The following BMP2K variants were observed in gnomAD, a reference collection of about 807,000 sequenced individuals.
The protein encoded by BMP2K is BMP2 inducible kinase.
Under a neutral mutation model 116.0 loss-of-function variants are expected in BMP2K, and 74 were observed. The observed-to-expected ratio is 0.64, with a 90% CI of 0.53 to 0.77. The LOEUF is 0.77. Ranked by LOEUF, BMP2K falls within the 30% of genes least tolerant of loss-of-function variation. The pLI is 0.00. For synonymous variants in BMP2K, 486 were observed against 502.5 expected (o/e 0.97, Z 0.44); for missense variants, 1,365 against 1,403.6 (o/e 0.97, Z 0.44).
rs186835933 is a variant in BMP2K at position 78,806,015 on chromosome 4, A to T, written c.179-20022A>T. Among the ~76,000 whole-genome samples the T allele has an allele frequency of 2.3e-3, 341 of 151,454 alleles. 2 individuals are homozygous for T. The highest frequency in any genetic ancestry group is 6.8e-4 in the Non-Finnish European group (46 of 67,776). On this transcript the variant is annotated intron_variant, in intron 1 of 15. Transcript: ENST00000502613. ...ACAATTGCTTTAAATTTTTTTTTTC[A>T]TTTTTTTATGGCCTGTGACACATCC...
Position 78,870,859 on chromosome 4 carries a change from A to C in BMP2K, c.1308A>C (p.Arg436Ser). ...CTCAGCAGCCGCCACAGCAGCATAG[A>C]GTACTCCAGCAACTACAGCAGGGAG... ...GPPQQPPQQH[R>S]VLQQLQQGDW... Residue 436 changes from arginine to serine, a missense_variant, in exon 11 of 16, where the codon AGA becomes AGC. By Grantham distance (110) the Arg-to-Ser change is moderately radical. Transcript: ENST00000502613. The C allele has an allele frequency of 6.2e-7, 1 of 1,614,024 alleles. No homozygotes were observed. The highest frequency in any genetic ancestry group is 8.5e-7 in the Non-Finnish European group (1 of 1,180,010).
At chr4:78,891,955 T>C (rs1733462252) in intron 15 of BMP2K, among the ~76,000 whole-genome samples, 1 of 152,214 alleles carries the variant, frequency 6.6e-6, no homozygotes, top group African/African-American at 2.4e-5. Flanking sequence ...ACTGAATTTC[T>C]TGGAAACAAC....
chr4:78,855,456 A>C (rs1731459188), intron 7 of BMP2K, among the ~76,000 whole-genome samples: 1 of 152,098 alleles, frequency 6.6e-6, no homozygotes, highest in African/African-American at 2.4e-5. Context: ...TAGATTAGAG[A>C]TGGTGGCTTA....
At chr4:78,865,802 A>C in intron 10 of BMP2K, 82 bp downstream of exon 10, 1 of 1,377,908 alleles carries the variant, frequency 7.3e-7, no homozygotes, top group Non-Finnish European at 1.0e-6. Context: ...ACCTCAGGTG[A>C]TCCTTAATAT....
At chr4:78,824,587 A>G (rs569722033) in intron 1 of BMP2K, among the ~76,000 whole-genome samples, 16 of 152,286 alleles carry the variant, frequency 1.1e-4, no homozygotes, top group African/African-American at 3.6e-4. Flanking sequence ...ACAATTCAAA[A>G]TGAGATTTCA....
chr4:78,814,225 T>C (rs1729221097), intron 1 of BMP2K, among the ~76,000 whole-genome samples: 1 of 152,238 alleles, frequency 6.6e-6, no homozygotes, highest in Admixed American at 6.5e-5. Flanking sequence ...CATTTTCTTT[T>C]TCTCATGCTC....
chr4:78,788,104 T>C (rs1362252337), intron 1 of BMP2K, among the ~76,000 whole-genome samples: 1 of 152,112 alleles, frequency 6.6e-6, no homozygotes, highest in Non-Finnish European at 1.5e-5. Context: ...AGTGGGATTA[T>C]GCATCACTGG....
At chr4:78,863,725 G>C (rs1240217569) in intron 9 of BMP2K, among the ~76,000 whole-genome samples, 1 of 152,174 alleles carries the variant, frequency 6.6e-6, no homozygotes. Context: ...TTTAACTTCA[G>C]TCGATTTTGT....
chr4:78,866,863 T>G (rs1732076703), intron 10 of BMP2K, among the ~76,000 whole-genome samples: 1 of 152,142 alleles, frequency 6.6e-6, no homozygotes. Flanking sequence ...GTTGGCAGGC[T>G]GGTCTCGAAC....
chr4:78,814,628 T>C (rs1000648913), intron 1 of BMP2K, among the ~76,000 whole-genome samples: 2 of 152,120 alleles, frequency 1.3e-5, no homozygotes, highest in Admixed American at 1.3e-4. Flanking sequence ...TGCTTCCCCT[T>C]CTGCCATGAT....
intron 6 of BMP2K, 85 bp downstream of exon 6, chr4:78,847,354 A>G: frequency 2.2e-6 from 2 of 922,494 alleles, no homozygotes; most frequent in Non-Finnish European, 3.1e-6. Context: ...GCTCCCCAAA[A>G]GGCATTTCCT....
intron 15 of BMP2K, among the ~76,000 whole-genome samples, chr4:78,894,599 A>T (rs1328018705): frequency 6.6e-6 from 1 of 152,180 alleles, no homozygotes; most frequent in Non-Finnish European, 1.5e-5. Flanking sequence ...GGTTGGTTTG[A>T]TCTTCTGTCC....
intron 1 of BMP2K, 109 bp downstream of exon 1, chr4:78,776,830 C>T: frequency 1.9e-6 from 2 of 1,045,692 alleles, no homozygotes; most frequent in Non-Finnish European, 2.4e-6. Context: ...CCCATTCTTC[C>T]TCTGCTGCCG....
chr4:78,860,982 T>G (rs1731750102), intron 8 of BMP2K, among the ~76,000 whole-genome samples: 1 of 151,864 alleles, frequency 6.6e-6, no homozygotes, highest in African/African-American at 2.4e-5. Context: ...GGCCTTACAT[T>G]CTGTGTCTTG....
At chr4:78,838,115 T>G (rs1415115422) in intron 3 of BMP2K, among the ~76,000 whole-genome samples, 1 of 152,186 alleles carries the variant, frequency 6.6e-6, no homozygotes, top group East Asian at 1.9e-4. Context: ...GAGGAGCAAG[T>G]CACATCTTAT....
At chr4:78,856,252 A>G (rs1218085343) in intron 7 of BMP2K, among the ~76,000 whole-genome samples, 2 of 152,090 alleles carry the variant, frequency 1.3e-5, no homozygotes, top group African/African-American at 4.8e-5. Context: ...TGGTGAGATC[A>G]TAGCTCACTG....
At chr4:78,836,408 C>T (rs1253165041) in intron 3 of BMP2K, among the ~76,000 whole-genome samples, 1 of 151,062 alleles carries the variant, frequency 6.6e-6, no homozygotes, top group African/African-American at 2.4e-5. Flanking sequence ...CAGAGCGAGA[C>T]TCTGTCTCAA....
At chr4:78,800,518 G>A (rs1056631127) in intron 1 of BMP2K, among the ~76,000 whole-genome samples, 4 of 152,096 alleles carry the variant, frequency 2.6e-5, no homozygotes, top group Non-Finnish European at 4.4e-5. Context: ...GTCCTGTATA[G>A]TTTTAATTCT....
intron 15 of BMP2K, among the ~76,000 whole-genome samples, chr4:78,896,953 G>A (rs1361958940): frequency 6.6e-6 from 1 of 152,034 alleles, no homozygotes; most frequent in East Asian, 1.9e-4. Flanking sequence ...GCTCCCACTG[G>A]AAGTTTTCAA....
Sources: gnomAD v4.1 joint callset for allele counts (sites outside exome capture counted in the v4.1 genomes callset) on GRCh38, gnomAD v4.1.1 for gene constraint, MANE v1.5 for transcripts, NCBI Gene and HGNC (gene_info 2026-07-23, HGNC 2026-07-21) for gene names.